The following SLC35F4 variants were observed in gnomAD, a reference collection of about 807,000 sequenced individuals.
The protein encoded by SLC35F4 is chromosome 14 open reading frame 36.
A neutral mutation model predicts 44.2 loss-of-function variants in SLC35F4; 24 were observed. The ratio of observed to expected loss-of-function variants is 0.54; its 90% CI spans 0.39 to 0.76. SLC35F4 has a LOEUF of 0.76. Ranked by LOEUF, SLC35F4 falls within the 30% of genes least tolerant of loss-of-function variation. The pLI, the probability that SLC35F4 is intolerant of heterozygous loss-of-function variation, is 0.00. For missense variants in SLC35F4, 562 were observed against 586.1 expected (o/e 0.96, Z 0.42); for synonymous variants, 238 against 223.6 (o/e 1.06, Z -0.57).
chr14:57,607,819 A>G (rs78532603), intron 1 of SLC35F4, among the ~76,000 whole-genome samples: 3,013 of 152,334 alleles, frequency 0.02, 70 homozygotes, highest in African/African-American at 0.052. Flanking sequence ...AGGTGGCAGC[A>G]GTGAGGTTGA....
At chr14:57,899,946 G>A (rs1213314731) in intron 1 of SLC35F4, among the ~76,000 whole-genome samples, 2 of 152,110 alleles carry the variant, frequency 1.3e-5, no homozygotes, top group East Asian at 3.9e-4. Context: ...ACCCAAGTGG[G>A]TTACCACTGC....
chr14:57,711,985 G>A (rs1000051802), intron 1 of SLC35F4, among the ~76,000 whole-genome samples: 1 of 152,128 alleles, frequency 6.6e-6, no homozygotes, highest in African/African-American at 2.4e-5. Context: ...AAGAATCCAG[G>A]TTTCTCACTC....
At chr14:57,741,183 C>G (rs551432961) in intron 1 of SLC35F4, among the ~76,000 whole-genome samples, 1 of 152,316 alleles carries the variant, frequency 6.6e-6, no homozygotes, top group Non-Finnish European at 1.5e-5. Flanking sequence ...CTCTTCTCCT[C>G]CAAAGGAATG....
intron 1 of SLC35F4, among the ~76,000 whole-genome samples, chr14:57,726,345 G>A (rs2076202902): frequency 2.0e-5 from 3 of 152,088 alleles, no homozygotes; most frequent in Admixed American, 1.3e-4. Context: ...GAAGGCAAAG[G>A]GAATACAGAA....
chr14:57,968,091 G>A (rs184613062), intron 1 of SLC35F4, among the ~76,000 whole-genome samples: 3 of 152,306 alleles, frequency 2.0e-5, no homozygotes, highest in East Asian at 3.9e-4. Context: ...TGTCAGAAAT[G>A]TACTGTAGAA....
At chr14:57,836,428 G>A (rs1884930300) in intron 1 of SLC35F4, among the ~76,000 whole-genome samples, 1 of 152,120 alleles carries the variant, frequency 6.6e-6, no homozygotes, top group African/African-American at 2.4e-5. Context: ...GAGTAGCTGG[G>A]ACTACAGGCA....
intron 1 of SLC35F4, among the ~76,000 whole-genome samples, chr14:57,830,963 C>A (rs1489844122): frequency 6.6e-6 from 1 of 152,156 alleles, no homozygotes; most frequent in South Asian, 2.1e-4. Context: ...TTATTTGAAG[C>A]ACTGGGGGTG....
At chr14:57,664,296 C>T (rs2074235519) in intron 1 of SLC35F4, among the ~76,000 whole-genome samples, 1 of 152,180 alleles carries the variant, frequency 6.6e-6, no homozygotes, top group Admixed American at 6.5e-5. Context: ...CCATGGAAGA[C>T]ACTCATTTAA....
chr14:57,752,604 G>A (rs537532677), intron 1 of SLC35F4, among the ~76,000 whole-genome samples: 15 of 152,094 alleles, frequency 9.9e-5, no homozygotes, highest in Admixed American at 7.9e-4. Flanking sequence ...GGGACTACAG[G>A]CGCACACTAC....
intron 1 of SLC35F4, among the ~76,000 whole-genome samples, chr14:57,642,066 A>C (rs2140164012): frequency 6.6e-6 from 1 of 152,042 alleles, no homozygotes; most frequent in South Asian, 2.1e-4. Context: ...GGATTGCTTG[A>C]CCCTAGAGAT....
chr14:57,666,464 A>G (rs2074312447), intron 1 of SLC35F4, among the ~76,000 whole-genome samples: 1 of 152,164 alleles, frequency 6.6e-6, no homozygotes, highest in Non-Finnish European at 1.5e-5. Context: ...AACAACCTGA[A>G]TGAGTTGGGA....
At chr14:57,980,198 T>C (rs1051717395) in intron 1 of SLC35F4, among the ~76,000 whole-genome samples, 2 of 152,236 alleles carry the variant, frequency 1.3e-5, no homozygotes, top group Non-Finnish European at 2.9e-5. Context: ...CTGAACAGCC[T>C]AGACCTAGAA....
chr14:57,952,778 T>C (rs1162859129), intron 1 of SLC35F4, among the ~76,000 whole-genome samples: 1 of 151,836 alleles, frequency 6.6e-6, no homozygotes, highest in Non-Finnish European at 1.5e-5. Context: ...CCAAGAAATA[T>C]GGGACTATGT....
intron 1 of SLC35F4, 76 bp downstream of exon 1, chr14:57,865,647 G>A (rs963585362): frequency 7.0e-6 from 9 of 1,278,708 alleles, no homozygotes; most frequent in East Asian, 2.8e-5. Context: ...GCGCCCGCCC[G>A]TCCGCATCCC....
chr14:57,655,645 C>T (rs1165483750), intron 1 of SLC35F4, among the ~76,000 whole-genome samples: 1 of 152,134 alleles, frequency 6.6e-6, no homozygotes, highest in Admixed American at 6.5e-5. Context: ...CTGTCCCCTT[C>T]TAGGCCTCAT....
chr14:57,626,835 T>A (rs918131223), intron 1 of SLC35F4, among the ~76,000 whole-genome samples: 1 of 150,312 alleles, frequency 6.7e-6, no homozygotes, highest in African/African-American at 2.4e-5. Context: ...AACATAAAGC[T>A]AATTTAAAGA....
Position 57,581,449 on chromosome 14 carries a change from G to C in SLC35F4, c.588-16C>G, listed in dbSNP as rs148535625. 2 of 1,593,122 alleles carry C rather than the reference G, an allele frequency of 1.3e-6. No individual in the cohort carries two copies. The highest frequency in any genetic ancestry group is 1.3e-5 in the African/African-American group (1 of 74,538). ...ACTGCATTCCCTAGGAAAGAAAAGA[G>C]AAGTTAATATCCAGGTACTGATGGT... On this transcript the variant is annotated splice_polypyrimidine_tract_variant and intron_variant, in intron 3 of 7. Coordinates refer to ENST00000556826, the MANE Select transcript of SLC35F4 (RefSeq NM_001306087.2).
chr14:57,932,844 A>G (rs1004279496), intron 1 of SLC35F4, among the ~76,000 whole-genome samples: 1 of 152,098 alleles, frequency 6.6e-6, no homozygotes, highest in Non-Finnish European at 1.5e-5. Flanking sequence ...CAAGCTATCT[A>G]TAGATCTTGA....
intron 4 of SLC35F4, chr14:57,580,464 A>C: frequency 3.2e-6 from 1 of 308,480 alleles, no homozygotes; most frequent in Non-Finnish European, 6.3e-6. Flanking sequence ...TGTTGTCTCA[A>C]TATGTTCATC....
Sources: allele counts gnomAD v4.1 joint callset (sites outside exome capture counted in the v4.1 genomes callset), GRCh38; gene constraint gnomAD v4.1.1; transcripts MANE v1.5; gene names NCBI Gene and HGNC (gene_info 2026-07-23, HGNC 2026-07-21).